ARHGAP18: variants seen among roughly 807,000 people sequenced by gnomAD.
ARHGAP18 encodes Rho GTPase activating protein 18.
ARHGAP18 carries 67 observed loss-of-function variants against 86.2 expected under a neutral mutation model. That is an observed-to-expected ratio of 0.78 (90% CI 0.64 to 0.95). The LOEUF is 0.95. Among genes scored for constraint, ARHGAP18 ranks in the 40% least tolerant of loss-of-function variants. The pLI is 0.00. For missense variants in ARHGAP18, 691 were observed against 780.4 expected (o/e 0.89, Z 1.37); for synonymous variants, 283 against 280.4 (o/e 1.01, Z -0.09).
chr6:129,650,744 A>C (rs1008501927), intron 1 of ARHGAP18, among the ~76,000 whole-genome samples: 4 of 152,098 alleles, frequency 2.6e-5, no homozygotes, highest in African/African-American at 4.8e-5. Flanking sequence ...TTTCTCCAGG[A>C]CCCTCTATCT....
At chr6:129,705,455 G>A (rs1774788803) in intron 1 of ARHGAP18, among the ~76,000 whole-genome samples, 1 of 152,048 alleles carries the variant, frequency 6.6e-6, no homozygotes, top group Non-Finnish European at 1.5e-5. Flanking sequence ...CCCCAAGAAA[G>A]GCCTGGTATA....
intron 7 of ARHGAP18, among the ~76,000 whole-genome samples, chr6:129,613,650 C>T (rs12528999): frequency 0.1 from 15,291 of 152,142 alleles, 1,062 homozygotes; most frequent in Middle Eastern, 0.17. Context: ...AACCAGCACC[C>T]AATAGAGTTA....
At chr6:129,638,677 C>G in intron 2 of ARHGAP18, 48 bp from the exon 3 acceptor site, 1 of 1,530,984 alleles carries the variant, frequency 6.5e-7, no homozygotes, top group Non-Finnish European at 8.9e-7. Context: ...ATATAACAAC[C>G]TTTACATTTT....
chr6:129,676,334 G>C (rs185262213), intron 1 of ARHGAP18, among the ~76,000 whole-genome samples: 3 of 152,146 alleles, frequency 2.0e-5, no homozygotes, highest in Admixed American at 6.5e-5. Context: ...GTTGCAGAGG[G>C]GGGGCAACAG....
At chr6:129,583,890 C>CAAAAAAAAAA (rs113008374) in intron 13 of ARHGAP18, 98 bp downstream of exon 13, 2 of 999,494 alleles carry the variant, frequency 2.0e-6, no homozygotes, top group Non-Finnish European at 1.4e-6. Flanking sequence ...ACAATTAAAA[C>CAAAAAAAAAA]AAAAAAAAAA....
At chr6:129,597,123 T>C (rs570411546) in intron 12 of ARHGAP18, among the ~76,000 whole-genome samples, 2 of 152,222 alleles carry the variant, frequency 1.3e-5, no homozygotes, top group South Asian at 4.1e-4. Flanking sequence ...ATAATTTTTT[T>C]TTTAAATTTT....
chr6:129,597,148 A>ATTT (rs552291727), intron 12 of ARHGAP18, among the ~76,000 whole-genome samples: 1 of 143,248 alleles, frequency 7.0e-6, no homozygotes. Context: ...ATTGATTAGA[A>ATTT]TTTTTTTTTT....
At chr6:129,641,403 A>C (rs2114499529) in intron 2 of ARHGAP18, among the ~76,000 whole-genome samples, 1 of 152,348 alleles carries the variant, frequency 6.6e-6, no homozygotes, top group Admixed American at 6.5e-5. Flanking sequence ...CAAAGATCAA[A>C]AGAACTCAAG....
chr6:129,656,118 T>C (rs1773829765), intron 1 of ARHGAP18, among the ~76,000 whole-genome samples: 1 of 152,226 alleles, frequency 6.6e-6, no homozygotes, highest in Non-Finnish European at 1.5e-5. Context: ...TGACTCCCTA[T>C]TAATTGCAAG....
chr6:129,675,383 CAAAAA>C (rs71664105), intron 1 of ARHGAP18, among the ~76,000 whole-genome samples: 1 of 90,626 alleles, frequency 1.1e-5, no homozygotes. Flanking sequence ...GACTCCATCT[CAAAAA>C]AAAAAAAAAA....
chr6:129,691,495 T>C (rs569427989), intron 1 of ARHGAP18, among the ~76,000 whole-genome samples: 2 of 152,338 alleles, frequency 1.3e-5, no homozygotes, highest in East Asian at 3.9e-4. Flanking sequence ...ATGCTTAGAT[T>C]ATTACGATTT....
At chr6:129,637,055 G>T (rs1212062368) in intron 3 of ARHGAP18, among the ~76,000 whole-genome samples, 1 of 151,762 alleles carries the variant, frequency 6.6e-6, no homozygotes, top group Non-Finnish European at 1.5e-5. Flanking sequence ...GTACTGTTTT[G>T]TTGTTGTTGT....
rs1413911885 is a variant in ARHGAP18, at chr6:129,698,818, G to A, written c.113+11206C>T. Reference sequence around the variant, plus strand: ...AGTAATTCTCCTGCCTCAGCCTCCCGAGTAGCTGGGATTACAGGCATGCAC... The same window carrying A: ...AGTAATTCTCCTGCCTCAGCCTCCCAAGTAGCTGGGATTACAGGCATGCAC... On this transcript the variant is annotated intron_variant, in intron 1 of 14. Coordinates refer to ENST00000368149, the MANE Select transcript of ARHGAP18 (RefSeq NM_033515.3). Among the ~76,000 whole-genome samples, 6 of 150,928 alleles carry A rather than the reference G, an allele frequency of 4.0e-5. 1 individual carries two copies. The highest frequency in any genetic ancestry group is 2.6e-4 in the Admixed American group (4 of 15,098).
intron 10 of ARHGAP18, among the ~76,000 whole-genome samples, chr6:129,604,126 A>T (rs1157670230): frequency 1.3e-5 from 2 of 152,176 alleles, no homozygotes; most frequent in Admixed American, 6.5e-5. Flanking sequence ...AGAGCTGGCT[A>T]ATTAAGTCAC....
rs926571000 is a variant in ARHGAP18, at chr6:129,577,960, A to C, written c.*553T>G. On this transcript the variant is annotated 3_prime_UTR_variant, in exon 15 of 15. Transcript: ENST00000368149. ...ATACAGCAGGAAAAGGTGGAATGTT[A>C]TTATTTGAGCAAATGATTCAAAGAG... 1.3e-5 allele frequency: 2 copies of C among 152,188 alleles called. No homozygotes were observed. The highest frequency in any genetic ancestry group is 2.9e-5 in the Non-Finnish European group (2 of 68,038). 9.4% of individuals were successfully genotyped at this position (152,188 alleles called of 1,614,324 possible).
chr6:129,694,724 C>T (rs1356622702), intron 1 of ARHGAP18, among the ~76,000 whole-genome samples: 1 of 152,180 alleles, frequency 6.6e-6, no homozygotes, highest in Non-Finnish European at 1.5e-5. Flanking sequence ...TTGTTTTCAA[C>T]ATGTCACTTG....
chr6:129,690,073 TATA>T (rs1256496598), intron 1 of ARHGAP18, among the ~76,000 whole-genome samples: 2 of 152,228 alleles, frequency 1.3e-5, no homozygotes, highest in African/African-American at 2.4e-5. Flanking sequence ...ACAGTCCGTT[TATA>T]ATGTTTTATT....
intron 1 of ARHGAP18, among the ~76,000 whole-genome samples, chr6:129,679,851 A>G (rs1268437979): frequency 1.3e-5 from 2 of 152,240 alleles, no homozygotes; most frequent in African/African-American, 2.4e-5. Flanking sequence ...GAAATTTAAA[A>G]GCAGGATCAC....
intron 1 of ARHGAP18, among the ~76,000 whole-genome samples, chr6:129,706,867 CAG>C: frequency 9.2e-6 from 1 of 108,438 alleles, no homozygotes; most frequent in East Asian, 2.9e-4. Context: ...GCCTGGGTGA[CAG>C]AGTAAGACTC....
Sources: allele counts gnomAD v4.1 joint callset (sites outside exome capture counted in the v4.1 genomes callset), GRCh38; gene constraint gnomAD v4.1.1; transcripts MANE v1.5; gene names NCBI Gene and HGNC (gene_info 2026-07-23, HGNC 2026-07-21).